The following SGK3 variants were observed in gnomAD, a reference collection of about 807,000 sequenced individuals.
SGK3 encodes serum/glucocorticoid regulated kinase family member 3, also known as serine/threonine-protein kinase Sgk3.
A neutral mutation model predicts 68.5 loss-of-function variants in SGK3; 47 were observed. That is an observed-to-expected ratio of 0.69 (90% CI 0.54 to 0.87). The LOEUF (loss-of-function observed/expected upper bound fraction) is 0.87. Ranked by LOEUF, SGK3 falls within the 40% of genes least tolerant of loss-of-function variation. The pLI, the probability that SGK3 is intolerant of heterozygous loss-of-function variation, is 0.00. For missense variants in SGK3, 479 were observed against 575.5 expected, an observed-to-expected ratio of 0.83 and a Z score of 1.72; for synonymous variants, 181 against 189.1, an observed-to-expected ratio of 0.96 and a Z score of 0.35.
At chr8:66,757,517 C>T (rs1806015580) in intron 1 of SGK3, among the ~76,000 whole-genome samples, 2 of 151,904 alleles carry the variant, frequency 1.3e-5, no homozygotes, top group Non-Finnish European at 2.9e-5. Context: ...CACAGAACTC[C>T]TTACACTCCT....
chr8:66,816,168 T>C (rs1018217636), intron 5 of SGK3, among the ~76,000 whole-genome samples: 1 of 150,046 alleles, frequency 6.7e-6, no homozygotes, highest in Non-Finnish European at 1.5e-5. Flanking sequence ...CCCACCTAAT[T>C]TTTTTTTGTA....
At chr8:66,840,331 C>G (rs1585797895) in intron 12 of SGK3, 84 bp downstream of exon 12, 2 of 1,255,100 alleles carry the variant, frequency 1.6e-6, no homozygotes, top group Non-Finnish European at 2.2e-6. Flanking sequence ...CTCAGAGATT[C>G]TGTACTGCGT....
chr8:66,740,210 C>T (rs945827822), intron 1 of SGK3, among the ~76,000 whole-genome samples: 12 of 152,270 alleles, frequency 7.9e-5, no homozygotes, highest in African/African-American at 2.9e-4. Context: ...CAGGCTTCAG[C>T]TCATCTCTAG....
chr8:66,843,993 CAAAAAAAAAAAAAAAA>C (rs11311018), intron 14 of SGK3, among the ~76,000 whole-genome samples: 1 of 71,412 alleles, frequency 1.4e-5, no homozygotes, highest in African/African-American at 5.5e-5. Context: ...GACTCTGTCT[CAAAAAAAAAAAAAAAA>C]AAAAAAAAAA....
In SGK3 at chr8:66,844,704, C is replaced by G. The variant is rs574923256; in HGVS notation, c.1074+1157C>G. Among the ~76,000 whole-genome samples, 60 of 152,306 alleles carry G rather than the reference C, an allele frequency of 3.9e-4. No homozygotes were observed. In the South Asian group the frequency reaches 0.012, roughly 32 times the overall value. On this transcript the variant is annotated intron_variant, in intron 14 of 16. Coordinates refer to ENST00000521198, the MANE Select transcript of SGK3 (RefSeq NM_001033578.3). The stretch of plus-strand genomic sequence containing the variant: ...GCTGATGTTAAATGCCACTGTCAGC[C>G]AAGACCTGAGCTGAGTGTCTATTTG...
At chr8:66,798,007 C>A (rs1487115146) in intron 2 of SGK3, among the ~76,000 whole-genome samples, 4 of 151,762 alleles carry the variant, frequency 2.6e-5, no homozygotes, top group Non-Finnish European at 5.9e-5. Flanking sequence ...TCACAAGAAA[C>A]CACTTTTTTT....
chr8:66,824,060 A>G (rs1410553206), intron 6 of SGK3, among the ~76,000 whole-genome samples: 1 of 152,166 alleles, frequency 6.6e-6, no homozygotes, highest in East Asian at 1.9e-4. Flanking sequence ...ATTTTGAAAA[A>G]AGACATATTC....
chr8:66,732,448 A>G (rs1805185830), intron 1 of SGK3, among the ~76,000 whole-genome samples: 1 of 150,048 alleles, frequency 6.7e-6, no homozygotes. Context: ...AGATTGTGCC[A>G]CTCCACTCCA....
chr8:66,769,126 C>T (rs191596871), intron 1 of SGK3, among the ~76,000 whole-genome samples: 9 of 152,320 alleles, frequency 5.9e-5, no homozygotes, highest in African/African-American at 1.7e-4. Flanking sequence ...ATTTTCCTAT[C>T]CCATCCTCCA....
At chr8:66,820,796 T>C (rs567764866) in intron 5 of SGK3, among the ~76,000 whole-genome samples, 1 of 152,300 alleles carries the variant, frequency 6.6e-6, no homozygotes, top group East Asian at 1.9e-4. Context: ...CTCAGCCTCC[T>C]GGGCTCTAGT....
intron 1 of SGK3, among the ~76,000 whole-genome samples, chr8:66,736,670 A>T (rs1437711748): frequency 6.7e-6 from 1 of 148,794 alleles, no homozygotes; most frequent in Non-Finnish European, 1.5e-5. Flanking sequence ...CCAAGGCTGG[A>T]GTGCAATGGC....
At chr8:66,736,733 C>G (rs1805327236) in intron 1 of SGK3, among the ~76,000 whole-genome samples, 1 of 151,926 alleles carries the variant, frequency 6.6e-6, no homozygotes, top group Admixed American at 6.6e-5. Context: ...GATTCTACTG[C>G]TTCAGCCTAC....
At chr8:66,833,361 TTCTGTTCATTG>T (rs1809379669) in intron 8 of SGK3, among the ~76,000 whole-genome samples, 1 of 152,216 alleles carries the variant, frequency 6.6e-6, no homozygotes, top group South Asian at 2.1e-4. Context: ...TCTGTTCATT[TTCTGTTCATTG>T]GCCTATCTGT....
chr8:66,777,716 A>G (rs1806767658), intron 1 of SGK3, among the ~76,000 whole-genome samples: 1 of 152,184 alleles, frequency 6.6e-6, no homozygotes, highest in African/African-American at 2.4e-5. Flanking sequence ...TACCTGCAGA[A>G]TGAAATCCAG....
chr8:66,831,400 G>GTAGT (rs1289661689), intron 8 of SGK3, 89 bp downstream of exon 8: 59 of 1,497,892 alleles, frequency 3.9e-5, no homozygotes, highest in Non-Finnish European at 5.4e-5. Flanking sequence ...AGGCTGGAGT[G>GTAGT]TAGTGGTGCA....
At chr8:66,747,535 C>T (rs899088485) in intron 1 of SGK3, among the ~76,000 whole-genome samples, 1 of 151,968 alleles carries the variant, frequency 6.6e-6, no homozygotes, top group Non-Finnish European at 1.5e-5. Flanking sequence ...TATGTGTGAT[C>T]ATTTAGACTT....
At chr8:66,858,905 G>A (rs1204430947) in intron 16 of SGK3, among the ~76,000 whole-genome samples, 1 of 152,042 alleles carries the variant, frequency 6.6e-6, no homozygotes, top group Admixed American at 6.6e-5. Context: ...CCCTGTTTTA[G>A]GAGGACAGAT....
rs1810758139 is a variant in SGK3, at chr8:66,862,016, A to G, written c.*2435A>G. On this transcript the variant is annotated 3_prime_UTR_variant, in exon 17 of 17. Transcript: ENST00000521198. Reference sequence around the variant, plus strand: ...ATATAGTATAATAAAATCAGCAAAAAGATCAACTAATGTCTGTCATTATTT... The same window carrying G: ...ATATAGTATAATAAAATCAGCAAAAGGATCAACTAATGTCTGTCATTATTT... The G allele has an allele frequency of 6.6e-6, 1 of 152,196 alleles. No homozygotes were observed. 9.4% of individuals were successfully genotyped at this position (152,196 alleles called of 1,614,324 possible).
intron 1 of SGK3, among the ~76,000 whole-genome samples, chr8:66,773,182 TA>T (rs1299356319): frequency 6.6e-6 from 1 of 152,144 alleles, no homozygotes; most frequent in Non-Finnish European, 1.5e-5. Context: ...AACAGATGAG[TA>T]CACAAGAGAG....
Sources: gnomAD v4.1 joint callset for allele counts (sites outside exome capture counted in the v4.1 genomes callset) on GRCh38, gnomAD v4.1.1 for gene constraint, MANE v1.5 for transcripts, NCBI Gene and HGNC (gene_info 2026-07-23, HGNC 2026-07-21) for gene names.